RPS6KC1: variants seen among roughly 807,000 people sequenced by gnomAD.
The protein encoded by RPS6KC1 is ribosomal protein S6 kinase C1, also known as inactive ribosomal protein S6 kinase delta-1.
A neutral mutation model predicts 103.8 loss-of-function variants in RPS6KC1; 54 were observed. That is an observed-to-expected ratio of 0.52 (90% confidence interval 0.42 to 0.65). The LOEUF is 0.65. Among genes scored for constraint, RPS6KC1 ranks in the 30% least tolerant of loss-of-function variants. The probability of loss-of-function intolerance (pLI) is 0.00; values close to 1 mark genes in which losing one functional copy is unlikely to be tolerated. For missense variants in RPS6KC1, 1,151 were observed against 1,253.8 expected (o/e 0.92, Z 1.24); for synonymous variants, 439 against 438.7 (o/e 1.00, Z -0.01).
intron 6 of RPS6KC1, among the ~76,000 whole-genome samples, chr1:213,136,436 A>G (rs1479274725): frequency 2.0e-5 from 3 of 152,156 alleles, no homozygotes; most frequent in Non-Finnish European, 4.4e-5. Context: ...GGAGTGGATC[A>G]AAATGAGGAA....
chr1:213,204,139 C>T (rs778569994), intron 8 of RPS6KC1, among the ~76,000 whole-genome samples: 26 of 152,168 alleles, frequency 1.7e-4, no homozygotes, highest in Non-Finnish European at 3.4e-4. Flanking sequence ...ACTTTCAGCT[C>T]TTGTAGAGCA....
At chr1:213,664,198 G>A in the RPS6KC1 span, among the ~76,000 whole-genome samples, 2 of 143,298 alleles carry the variant, frequency 1.4e-5, no homozygotes, top group African/African-American at 2.5e-5. Context: ...TGAGCGGGGG[G>A]GCGGGGTGGG....
chr1:213,629,058 T>C, the RPS6KC1 span, among the ~76,000 whole-genome samples: 1 of 152,212 alleles, frequency 6.6e-6, no homozygotes, highest in Non-Finnish European at 1.5e-5. Flanking sequence ...ATGTAGATTC[T>C]GTTGATTTGG....
chr1:213,260,940 C>T (rs529893879), intron 12 of RPS6KC1, among the ~76,000 whole-genome samples: 9 of 152,212 alleles, frequency 5.9e-5, no homozygotes, highest in African/African-American at 2.2e-4. Context: ...ATAGTTTCAG[C>T]CGTGGCTTAA....
intron 3 of RPS6KC1, among the ~76,000 whole-genome samples, chr1:213,096,534 A>G: frequency 6.6e-6 from 1 of 152,106 alleles, no homozygotes; most frequent in East Asian, 1.9e-4. Flanking sequence ...ACATGGTGGT[A>G]TACGCCTATA....
chr1:213,388,288 A>G, the RPS6KC1 span, among the ~76,000 whole-genome samples: 1 of 152,220 alleles, frequency 6.6e-6, no homozygotes, highest in African/African-American at 2.4e-5. Context: ...AAGGGCACGA[A>G]GACGTGGCAC....
the RPS6KC1 span, among the ~76,000 whole-genome samples, chr1:213,550,033 G>A: frequency 6.6e-6 from 1 of 152,110 alleles, no homozygotes; most frequent in African/African-American, 2.4e-5. Context: ...GAGCCTGAAT[G>A]TCATGGTTAC....
At chr1:213,795,501 G>A in the RPS6KC1 span, among the ~76,000 whole-genome samples, 1 of 152,178 alleles carries the variant, frequency 6.6e-6, no homozygotes, top group East Asian at 1.9e-4. Context: ...ATGCTTTAGT[G>A]TGAGAGTGTC....
the RPS6KC1 span, among the ~76,000 whole-genome samples, chr1:213,667,366 C>G: frequency 6.6e-6 from 1 of 151,916 alleles, no homozygotes; most frequent in Non-Finnish European, 1.5e-5. Flanking sequence ...TTTTTGGCTT[C>G]CCAGTACATA....
the RPS6KC1 span, among the ~76,000 whole-genome samples, chr1:213,439,777 G>A: frequency 6.6e-6 from 1 of 152,008 alleles, no homozygotes; most frequent in African/African-American, 2.4e-5. Context: ...AGTTGGGCCA[G>A]AATTATTTGT....
chr1:213,827,757 A>G, the RPS6KC1 span, among the ~76,000 whole-genome samples: 1 of 152,130 alleles, frequency 6.6e-6, no homozygotes, highest in Non-Finnish European at 1.5e-5. Context: ...CTACAGCACC[A>G]CTTCTAGCAG....
chr1:213,342,440 C>T, the RPS6KC1 span, among the ~76,000 whole-genome samples: 151,831 of 152,360 alleles, frequency 1, 75,657 homozygotes, highest in East Asian at 1. Flanking sequence ...ATTTGGTACA[C>T]AGAAACTTGT....
At chr1:213,244,172 A>G (rs1248631637) in intron 12 of RPS6KC1, among the ~76,000 whole-genome samples, 4 of 151,674 alleles carry the variant, frequency 2.6e-5, no homozygotes, top group South Asian at 4.1e-4. Context: ...TTGCATGTTG[A>G]ATTCACTTTA....
At chr1:213,704,931 C>A in the RPS6KC1 span, among the ~76,000 whole-genome samples, 1 of 152,250 alleles carries the variant, frequency 6.6e-6, no homozygotes, top group African/African-American at 2.4e-5. Context: ...GATTACCAGG[C>A]AGAGACTCTT....
chr1:213,103,704 T>A (rs545624469), intron 3 of RPS6KC1, among the ~76,000 whole-genome samples: 1 of 152,376 alleles, frequency 6.6e-6, no homozygotes, highest in South Asian at 2.1e-4. Flanking sequence ...GCTACTTTTC[T>A]GATTTTGTAT....
the RPS6KC1 span, among the ~76,000 whole-genome samples, chr1:213,857,210 G>A: frequency 6.6e-6 from 1 of 152,184 alleles, no homozygotes; most frequent in Non-Finnish European, 1.5e-5. Flanking sequence ...CAATGGTGTG[G>A]CATGTGATAC....
At chr1:213,697,127 A>C in the RPS6KC1 span, among the ~76,000 whole-genome samples, 2 of 152,368 alleles carry the variant, frequency 1.3e-5, no homozygotes, top group African/African-American at 4.8e-5. Context: ...GCAGATGAAC[A>C]GTTAGGTGAG....
the RPS6KC1 span, among the ~76,000 whole-genome samples, chr1:213,706,864 C>A: frequency 6.6e-6 from 1 of 152,152 alleles, no homozygotes; most frequent in Non-Finnish European, 1.5e-5. Context: ...CATGTCCCTG[C>A]AAAGGACATG....
At chr1:213,371,758 T>C in the RPS6KC1 span, among the ~76,000 whole-genome samples, 1 of 152,230 alleles carries the variant, frequency 6.6e-6, no homozygotes, top group African/African-American at 2.4e-5. Context: ...ATAAACCTGC[T>C]GGGCCAAGGC....
Sources: allele counts gnomAD v4.1 joint callset (sites outside exome capture counted in the v4.1 genomes callset), GRCh38; gene constraint gnomAD v4.1.1; transcripts MANE v1.5; gene names NCBI Gene and HGNC (gene_info 2026-07-23, HGNC 2026-07-21).